GPATCH8: variants seen among roughly 807,000 people sequenced by gnomAD.
GPATCH8 encodes G patch domain-containing protein 8.
In GPATCH8, 18 loss-of-function variants were observed where a neutral mutation model predicts 118.3. That is an observed-to-expected ratio of 0.15 (90% CI 0.11 to 0.23). GPATCH8 has a LOEUF of 0.23. Among genes scored for constraint, GPATCH8 ranks in the 10% least tolerant of loss-of-function variants. The pLI, the probability that GPATCH8 is intolerant of heterozygous loss-of-function variation, is 1.00. For missense variants in GPATCH8, 1,631 were observed against 1,873.8 expected (o/e 0.87, Z 2.39); for synonymous variants, 659 against 684.7 (o/e 0.96, Z 0.59).
intron 5 of GPATCH8, among the ~76,000 whole-genome samples, chr17:44,430,360 C>G (rs1022677643): frequency 6.6e-6 from 1 of 151,906 alleles, no homozygotes; most frequent in African/African-American, 2.4e-5. Flanking sequence ...GTTCAACATA[C>G]AAAAATCAAT....
chr17:44,424,648 T>C (rs989597949), intron 5 of GPATCH8, among the ~76,000 whole-genome samples, 156 bp from the exon 6 acceptor site: 9 of 152,210 alleles, frequency 5.9e-5, no homozygotes, highest in Admixed American at 1.3e-4. Flanking sequence ...AAGTGGTACT[T>C]TGGTGGGTAA....
At chr17:44,488,025 C>T (rs200898360) in intron 1 of GPATCH8, among the ~76,000 whole-genome samples, 15 of 102,418 alleles carry the variant, frequency 1.5e-4, no homozygotes, top group Non-Finnish European at 3.4e-4. Context: ...TGGGTTCAAG[C>T]GATTCTCCTG....
At chr17:44,436,725 C>G in intron 3 of GPATCH8, 180 bp from the exon 4 acceptor site, 1 of 636,980 alleles carries the variant, frequency 1.6e-6, no homozygotes, top group Non-Finnish European at 2.8e-6. Flanking sequence ...CTAGTTTAAA[C>G]CCAATTAACC....
chr17:44,483,465 G>A (rs1244605590), intron 1 of GPATCH8, among the ~76,000 whole-genome samples: 1 of 150,828 alleles, frequency 6.6e-6, no homozygotes, highest in Non-Finnish European at 1.5e-5. Context: ...TGGCCAGGCT[G>A]GTCTTGAACT....
intron 6 of GPATCH8, among the ~76,000 whole-genome samples, chr17:44,419,648 A>G (rs1313741380): frequency 6.6e-6 from 1 of 150,708 alleles, no homozygotes; most frequent in Non-Finnish European, 1.5e-5. Flanking sequence ...GCGTGTCACC[A>G]CATCAGGGTA....
At chr17:44,455,704 G>A (rs2051303754) in intron 3 of GPATCH8, among the ~76,000 whole-genome samples, 1 of 152,074 alleles carries the variant, frequency 6.6e-6, no homozygotes, top group Admixed American at 6.6e-5. Context: ...AAAGACTTCA[G>A]AAAAATGTAT....
chr17:44,493,969 T>G (rs1598640392), intron 1 of GPATCH8, among the ~76,000 whole-genome samples: 1 of 152,226 alleles, frequency 6.6e-6, no homozygotes, highest in East Asian at 1.9e-4. Context: ...TCAGATTATC[T>G]TTGTAACATC....
intron 5 of GPATCH8, among the ~76,000 whole-genome samples, chr17:44,429,486 A>G (rs1448875714): frequency 1.3e-5 from 2 of 152,148 alleles, no homozygotes; most frequent in Non-Finnish European, 2.9e-5. Flanking sequence ...TATATACAAG[A>G]AAACTGATTC....
At chr17:44,449,138 G>A (rs1008532165) in intron 3 of GPATCH8, among the ~76,000 whole-genome samples, 2 of 152,072 alleles carry the variant, frequency 1.3e-5, no homozygotes, top group Non-Finnish European at 2.9e-5. Context: ...TTAGCCAGGC[G>A]TGATGGCACA....
intron 3 of GPATCH8, among the ~76,000 whole-genome samples, chr17:44,454,932 C>T (rs62081231): frequency 6.6e-6 from 1 of 152,130 alleles, no homozygotes; most frequent in Non-Finnish European, 1.5e-5. Flanking sequence ...TGTATGAAGA[C>T]TCCAAGACCC....
chr17:44,467,431 T>C (rs1235371791), intron 2 of GPATCH8, among the ~76,000 whole-genome samples: 8 of 152,184 alleles, frequency 5.3e-5, no homozygotes, highest in Non-Finnish European at 7.4e-5. Flanking sequence ...AAAAAAATCA[T>C]TGATAGAAAA....
chr17:44,424,214 G>A, intron 6 of GPATCH8, 135 bp downstream of exon 6: 1 of 705,628 alleles, frequency 1.4e-6, no homozygotes. Context: ...AACAAAGTGT[G>A]TTGGATGACT....
chr17:44,463,690 A>G (rs1244626501), intron 3 of GPATCH8, among the ~76,000 whole-genome samples: 2 of 152,202 alleles, frequency 1.3e-5, no homozygotes, highest in Admixed American at 1.3e-4. Flanking sequence ...AATTCCCATA[A>G]TTTCTGAGGT....
At chr17:44,418,456 CTTTTT>C (rs56885612) in intron 6 of GPATCH8, among the ~76,000 whole-genome samples, 1 of 139,766 alleles carries the variant, frequency 7.2e-6, no homozygotes, top group Non-Finnish European at 1.6e-5. Flanking sequence ...GTGCTAATGT[CTTTTT>C]TTTTTTTTTT....
At chr17:44,413,559 G>A (rs914409431) in intron 6 of GPATCH8, among the ~76,000 whole-genome samples, 5 of 152,120 alleles carry the variant, frequency 3.3e-5, no homozygotes, top group Non-Finnish European at 7.4e-5. Context: ...TTGGCTCACT[G>A]CAACCTCCCG....
At position 44,436,118 on chromosome 17, in the gene GPATCH8, C is replaced by T. The variant is rs1476241106; in HGVS notation, c.261+360G>A. Among the ~76,000 whole-genome samples the T allele has an allele frequency of 4.0e-5, 6 of 151,400 alleles. No homozygotes were observed. In the East Asian group the frequency reaches 9.8e-4, roughly 25 times the overall value. ...AAAAGCAGGTATTACAGGTGACAGC[C>T]GTACCCAATTCTACAAAGGCAAAGC... On this transcript the variant is annotated intron_variant, in intron 4 of 7. Coordinates refer to ENST00000591680, the MANE Select transcript of GPATCH8 (RefSeq NM_001002909.4).
At chr17:44,455,467 T>C (rs994419521) in intron 3 of GPATCH8, among the ~76,000 whole-genome samples, 1 of 150,836 alleles carries the variant, frequency 6.6e-6, no homozygotes, top group Non-Finnish European at 1.5e-5. Context: ...GTCATTGCAC[T>C]ACAGCCTGGG....
At chr17:44,493,522 C>T (rs989132449) in intron 1 of GPATCH8, among the ~76,000 whole-genome samples, 3 of 152,250 alleles carry the variant, frequency 2.0e-5, no homozygotes, top group Admixed American at 6.5e-5. Context: ...ACTTTACATA[C>T]CACAATCTAT....
chr17:44,472,473 T>C (rs781702945), intron 2 of GPATCH8, among the ~76,000 whole-genome samples: 1 of 152,198 alleles, frequency 6.6e-6, no homozygotes, highest in African/African-American at 2.4e-5. Flanking sequence ...ATGTTAAATA[T>C]CATTTAATTT....
Sources: gnomAD v4.1 joint callset for allele counts (sites outside exome capture counted in the v4.1 genomes callset) on GRCh38, gnomAD v4.1.1 for gene constraint, MANE v1.5 for transcripts, NCBI Gene and HGNC (gene_info 2026-07-23, HGNC 2026-07-21) for gene names.